The following OPCML variants were observed in gnomAD, a reference collection of about 807,000 sequenced individuals.
The protein encoded by OPCML is opioid-binding protein/cell adhesion molecule.
Under a neutral mutation model 37.8 loss-of-function variants are expected in OPCML, and 13 were observed. That is an observed-to-expected ratio of 0.34 (90% CI 0.22 to 0.55). The LOEUF is 0.55. Ranked by LOEUF, OPCML falls within the 20% of genes least tolerant of loss-of-function variation. The probability of loss-of-function intolerance (pLI) is 0.91; values close to 1 mark genes in which losing one functional copy is unlikely to be tolerated. For missense variants in OPCML, 341 were observed against 435.6 expected, an observed-to-expected ratio of 0.78 and a Z score of 1.93; for synonymous variants, 176 against 168.8, an observed-to-expected ratio of 1.04 and a Z score of -0.33.
intron 3 of OPCML, among the ~76,000 whole-genome samples, chr11:132,569,141 G>C (rs1328688967): frequency 2.0e-5 from 3 of 152,192 alleles, no homozygotes; most frequent in African/African-American, 7.2e-5. Context: ...GCAAATTTAA[G>C]TTCTAACCCC....
At chr11:133,283,681 G>A (rs1052133384) in intron 1 of OPCML, among the ~76,000 whole-genome samples, 4 of 152,136 alleles carry the variant, frequency 2.6e-5, no homozygotes, top group Non-Finnish European at 4.4e-5. Flanking sequence ...AGATCAAAGA[G>A]GAATGCCAAC....
At chr11:133,003,682 A>G (rs1255359223) in intron 1 of OPCML, 7 of 985,438 alleles carry the variant, frequency 7.1e-6, no homozygotes, top group Non-Finnish European at 8.4e-6. Context: ...AATACCCAGC[A>G]TTCTATTGCT....
At chr11:133,118,938 T>C (rs1449310892) in intron 1 of OPCML, among the ~76,000 whole-genome samples, 1 of 152,218 alleles carries the variant, frequency 6.6e-6, no homozygotes, top group East Asian at 1.9e-4. Context: ...AAAATAGCAG[T>C]AATTTGGCAC....
At chr11:132,520,376 C>T (rs557507332) in intron 4 of OPCML, among the ~76,000 whole-genome samples, 2 of 152,198 alleles carry the variant, frequency 1.3e-5, no homozygotes, top group African/African-American at 4.8e-5. Context: ...CATCTGTTTC[C>T]CTCCCTGTGA....
chr11:133,034,561 T>C (rs1947740725), intron 1 of OPCML, among the ~76,000 whole-genome samples: 1 of 152,176 alleles, frequency 6.6e-6, no homozygotes, highest in African/African-American at 2.4e-5. Context: ...TCCTTCTAAC[T>C]CTGTGACCTT....
chr11:132,767,821 A>C lies in OPCML; in HGVS notation c.147-110502T>G, dbSNP rs1258680462. On this transcript the variant is annotated intron_variant, in intron 2 of 7. Transcript: ENST00000524381. ...CAATATAATAGCTTGGAAAAAAAAA[A>C]CCCTCCTGCAGTTGAATTAAATATG... is the stretch of plus-strand genomic sequence containing the variant. Among the ~76,000 whole-genome samples, 7 of 151,884 alleles carry C rather than the reference A, an allele frequency of 4.6e-5. No homozygotes were observed. In the East Asian group the frequency reaches 5.8e-4, roughly 13 times the overall value.
rs1242109060 is a variant in OPCML, at chr11:132,965,995, A to G, written c.62-22985T>C. On this transcript the variant is annotated intron_variant, in intron 1 of 7. Coordinates refer to ENST00000524381, the MANE Select transcript of OPCML (RefSeq NM_001012393.5). ...TTTTGTTGATATTTTCAAAGAATCA[A>G]TTTGTAGTTTCATTTATTTTCTTTA... Among the ~76,000 whole-genome samples the G allele has an allele frequency of 8.9e-4, 136 of 152,096 alleles. 3 individuals carry two copies. Among genetic ancestry groups the G allele is most frequent in the Admixed American group, 8.8e-3 (135 of 15,276 alleles).
At chr11:132,742,068 A>T (rs1370269204) in intron 2 of OPCML, among the ~76,000 whole-genome samples, 1 of 152,134 alleles carries the variant, frequency 6.6e-6, no homozygotes. Context: ...AAGCATTTTC[A>T]TAATTCAAAA....
intron 2 of OPCML, among the ~76,000 whole-genome samples, chr11:132,667,130 G>A (rs940990184): frequency 3.9e-5 from 6 of 152,350 alleles, no homozygotes; most frequent in Non-Finnish European, 8.8e-5. Flanking sequence ...GTGGAGTGGG[G>A]AAAAGACACA....
At chr11:132,857,831 A>G (rs748404832) in intron 2 of OPCML, among the ~76,000 whole-genome samples, 2 of 152,196 alleles carry the variant, frequency 1.3e-5, no homozygotes, top group Non-Finnish European at 2.9e-5. Context: ...GTATTGCTGC[A>G]TATCCCTCAT....
chr11:132,822,419 CA>C (rs1940051670), intron 2 of OPCML, among the ~76,000 whole-genome samples: 1 of 152,198 alleles, frequency 6.6e-6, no homozygotes, highest in East Asian at 1.9e-4. Context: ...CCTGAGAAAC[CA>C]GGAGTCTCTG....
chr11:132,559,499 G>T (rs1398781736), intron 3 of OPCML, among the ~76,000 whole-genome samples: 1 of 152,150 alleles, frequency 6.6e-6, no homozygotes, highest in Admixed American at 6.5e-5. Context: ...ACCTCTGGAC[G>T]CCACCAGCTT....
chr11:133,008,532 C>G, intron 1 of OPCML: 1 of 677,100 alleles, frequency 1.5e-6, no homozygotes, highest in Non-Finnish European at 1.8e-6. Flanking sequence ...GTGGAAGGCT[C>G]CCAGCTGAGC....
intron 1 of OPCML, among the ~76,000 whole-genome samples, chr11:133,239,203 T>C (rs1280505831): frequency 1.3e-5 from 2 of 152,242 alleles, no homozygotes; most frequent in Non-Finnish European, 2.9e-5. Flanking sequence ...TTCATGAAGC[T>C]AGGCACACAC....
chr11:133,369,900 G>T (rs1489090964), intron 1 of OPCML, among the ~76,000 whole-genome samples: 1 of 152,186 alleles, frequency 6.6e-6, no homozygotes, highest in African/African-American at 2.4e-5. Context: ...GATTTTGGGG[G>T]ATTTTGGAAT....
intron 1 of OPCML, among the ~76,000 whole-genome samples, chr11:133,199,582 T>C (rs904026458): frequency 4.6e-5 from 7 of 152,162 alleles, no homozygotes; most frequent in East Asian, 3.9e-4. Flanking sequence ...TATTCTGAGG[T>C]TGATGTTAAG....
intron 2 of OPCML, among the ~76,000 whole-genome samples, chr11:132,716,594 G>A (rs1248146537): frequency 1.3e-5 from 2 of 152,096 alleles, no homozygotes; most frequent in African/African-American, 4.8e-5. Context: ...ACTTCTCTAG[G>A]AGATGCAATT....
At chr11:133,335,858 G>A (rs1037581176) in intron 1 of OPCML, among the ~76,000 whole-genome samples, 1 of 152,070 alleles carries the variant, frequency 6.6e-6, no homozygotes, top group African/African-American at 2.4e-5. Context: ...GGTTGTAGGA[G>A]TTGTTCACTG....
At chr11:132,657,488 A>T in intron 2 of OPCML, 169 bp from the exon 3 acceptor site, 1 of 880,966 alleles carries the variant, frequency 1.1e-6, no homozygotes, top group Non-Finnish European at 1.4e-6. Flanking sequence ...ATAAACTAAG[A>T]GTGACCAGAA....
Sources: gnomAD v4.1 joint callset for allele counts (sites outside exome capture counted in the v4.1 genomes callset) on GRCh38, gnomAD v4.1.1 for gene constraint, MANE v1.5 for transcripts, NCBI Gene and HGNC (gene_info 2026-07-23, HGNC 2026-07-21) for gene names.